Variants in CNTN1 observed in about 807,000 individuals in gnomAD.
CNTN1 encodes the protein contactin-1.
In CNTN1, 38 loss-of-function variants were observed where a neutral mutation model predicts 126.4. The ratio of observed to expected loss-of-function variants is 0.30; its 90% CI spans 0.23 to 0.39. The LOEUF (loss-of-function observed/expected upper bound fraction) is 0.39. CNTN1 is among the 10% of genes least tolerant of loss of function. The pLI, the probability that CNTN1 is intolerant of heterozygous loss-of-function variation, is 1.00. For missense variants in CNTN1, 1,009 were observed against 1,248.4 expected (o/e 0.81, Z 2.89); for synonymous variants, 413 against 422.6 (o/e 0.98, Z 0.28).
At chr12:41,017,403 T>C (rs1213924565) in intron 19 of CNTN1, among the ~76,000 whole-genome samples, 16 of 149,878 alleles carry the variant, frequency 1.1e-4, no homozygotes, top group Non-Finnish European at 7.4e-5. Context: ...AAAAAAAATT[T>C]CTGTAATGTA....
intron 1 of CNTN1, among the ~76,000 whole-genome samples, chr12:40,854,699 A>G (rs555474314): frequency 6.6e-6 from 1 of 152,300 alleles, no homozygotes; most frequent in Admixed American, 6.5e-5. Flanking sequence ...TGACAACATA[A>G]GAAGAGGATT....
intron 17 of CNTN1, among the ~76,000 whole-genome samples, chr12:41,009,891 C>T (rs1273056097): frequency 6.6e-6 from 1 of 152,096 alleles, no homozygotes; most frequent in African/African-American, 2.4e-5. Context: ...AGAGTTTGTC[C>T]TGGGGCTATA....
intron 15 of CNTN1, among the ~76,000 whole-genome samples, chr12:40,976,350 T>C (rs1328540627): frequency 5.9e-5 from 9 of 152,174 alleles, no homozygotes; most frequent in Admixed American, 5.9e-4. Flanking sequence ...CCAATTTCTC[T>C]CTTTTATGTT....
chr12:40,876,705 T>A (rs1202060823), intron 1 of CNTN1, among the ~76,000 whole-genome samples: 1 of 152,174 alleles, frequency 6.6e-6, no homozygotes, highest in East Asian at 1.9e-4. Context: ...TATGTATATA[T>A]AATAACTTTT....
chr12:40,752,001 T>C (rs1592047975), intron 1 of CNTN1, among the ~76,000 whole-genome samples: 1 of 152,262 alleles, frequency 6.6e-6, no homozygotes, highest in East Asian at 1.9e-4. Flanking sequence ...TGAGTTCTAC[T>C]GGAGTGAATT....
At chr12:40,936,660 T>C (rs970559943) in intron 9 of CNTN1, 121 bp from the exon 10 acceptor site, 4 of 1,213,808 alleles carry the variant, frequency 3.3e-6, no homozygotes, top group Non-Finnish European at 4.8e-6. Flanking sequence ...GAGTTCAGGA[T>C]GCATACACTA....
intron 1 of CNTN1, among the ~76,000 whole-genome samples, chr12:40,827,851 G>A (rs1361094823): frequency 6.6e-6 from 1 of 152,144 alleles, no homozygotes; most frequent in Admixed American, 6.6e-5. Context: ...TACAGGAAGA[G>A]CATTGAAGAT....
At chr12:40,790,397 C>T (rs922469884) in intron 1 of CNTN1, among the ~76,000 whole-genome samples, 1 of 152,074 alleles carries the variant, frequency 6.6e-6, no homozygotes, top group African/African-American at 2.4e-5. Context: ...CTTCATTCTA[C>T]CAGAAGAGCT....
chr12:40,744,404 A>G (rs1391724396), intron 1 of CNTN1, among the ~76,000 whole-genome samples: 3 of 152,132 alleles, frequency 2.0e-5, no homozygotes, highest in Non-Finnish European at 2.9e-5. Flanking sequence ...CTGGAATGGA[A>G]TAGCCTGCAT....
At chr12:40,763,705 G>A (rs1011100185) in intron 1 of CNTN1, among the ~76,000 whole-genome samples, 2 of 152,182 alleles carry the variant, frequency 1.3e-5, no homozygotes, top group Non-Finnish European at 2.9e-5. Context: ...GGAAAACAAA[G>A]TGGGGCTTCA....
intron 4 of CNTN1, among the ~76,000 whole-genome samples, chr12:40,919,689 G>GT (rs1212481179): frequency 1.3e-5 from 2 of 152,072 alleles, no homozygotes; most frequent in East Asian, 1.9e-4. Context: ...ACAGTACTCA[G>GT]TTTTTTCCTG....
At chr12:40,912,188 TTCAC>T (rs1354246249) in intron 3 of CNTN1, among the ~76,000 whole-genome samples, 1 of 151,212 alleles carries the variant, frequency 6.6e-6, no homozygotes, top group Non-Finnish European at 1.5e-5. Context: ...CAAAACCAAC[TTCAC>T]TCAATGTCTT....
chr12:40,723,663 G>T (rs1382602447), intron 1 of CNTN1, among the ~76,000 whole-genome samples: 2 of 152,140 alleles, frequency 1.3e-5, no homozygotes, highest in Non-Finnish European at 2.9e-5. Context: ...CACACCTTTT[G>T]CCCTATTAGG....
At chr12:40,843,740 G>A (rs1942379106) in intron 1 of CNTN1, among the ~76,000 whole-genome samples, 1 of 152,186 alleles carries the variant, frequency 6.6e-6, no homozygotes, top group Non-Finnish European at 1.5e-5. Context: ...GATAAGCAAG[G>A]ATCTAGACCA....
intron 23 of CNTN1, among the ~76,000 whole-genome samples, chr12:41,040,339 G>A (rs1949370503): frequency 1.3e-5 from 2 of 152,120 alleles, no homozygotes; most frequent in Admixed American, 1.3e-4. Flanking sequence ...AAAATATGAA[G>A]AGTATTAGCA....
At chr12:40,876,829 AC>A (rs1161303676) in intron 1 of CNTN1, among the ~76,000 whole-genome samples, 1 of 152,104 alleles carries the variant, frequency 6.6e-6, no homozygotes, top group Non-Finnish European at 1.5e-5. Flanking sequence ...TTTTAACAAA[AC>A]TTTTTGATAG....
chr12:40,706,847 A>C (rs1469329381), intron 1 of CNTN1, among the ~76,000 whole-genome samples: 1 of 152,194 alleles, frequency 6.6e-6, no homozygotes, highest in Non-Finnish European at 1.5e-5. Context: ...GATTGTTAAA[A>C]AGGAGGAATC....
At chr12:40,819,670 C>G (rs1941381155) in intron 1 of CNTN1, among the ~76,000 whole-genome samples, 1 of 152,144 alleles carries the variant, frequency 6.6e-6, no homozygotes, top group Admixed American at 6.5e-5. Flanking sequence ...ATGGCTTAGA[C>G]AGCAGGCAGC....
At chr12:40,964,442 T>C (rs753743407) in intron 15 of CNTN1, among the ~76,000 whole-genome samples, 4 of 152,090 alleles carry the variant, frequency 2.6e-5, no homozygotes, top group Non-Finnish European at 5.9e-5. Flanking sequence ...AAAAGAAGTT[T>C]GTGTTGTTTA....
Sources: allele counts gnomAD v4.1 joint callset (sites outside exome capture counted in the v4.1 genomes callset), GRCh38; gene constraint gnomAD v4.1.1; transcripts MANE v1.5; gene names NCBI Gene and HGNC (gene_info 2026-07-23, HGNC 2026-07-21).